The following MAGI1 variants were observed in gnomAD, a reference collection of about 807,000 sequenced individuals.
MAGI1 encodes the protein membrane-associated guanylate kinase, WW and PDZ domain-containing protein 1.
A neutral mutation model predicts 139.9 loss-of-function variants in MAGI1; 58 were observed. The ratio of observed to expected loss-of-function variants is 0.41; its 90% CI spans 0.34 to 0.52. The LOEUF (loss-of-function observed/expected upper bound fraction) is 0.52. MAGI1 is among the 20% of genes least tolerant of loss of function. The pLI is 0.12. For synonymous variants in MAGI1, 812 were observed against 737.9 expected, an observed-to-expected ratio of 1.10 and a Z score of -1.63; for missense variants, 1,874 against 1,901.6, an observed-to-expected ratio of 0.99 and a Z score of 0.27.
chr3:65,441,845 G>A (rs935546778), intron 8 of MAGI1, among the ~76,000 whole-genome samples: 1 of 152,146 alleles, frequency 6.6e-6, no homozygotes, highest in African/African-American at 2.4e-5. Context: ...ACAGTAAGAT[G>A]CTGGGCATCT....
intron 1 of MAGI1, among the ~76,000 whole-genome samples, chr3:65,979,473 C>G (rs2065454827): frequency 6.6e-6 from 1 of 152,122 alleles, no homozygotes; most frequent in Non-Finnish European, 1.5e-5. Context: ...CCCAGCAACC[C>G]CAAGGAAACC....
At chr3:65,951,389 T>C (rs903630399) in intron 1 of MAGI1, among the ~76,000 whole-genome samples, 1 of 152,236 alleles carries the variant, frequency 6.6e-6, no homozygotes, top group African/African-American at 2.4e-5. Flanking sequence ...ACCACCTGAA[T>C]CTACTTTTTC....
At chr3:65,364,185 AAAAAAAAG>A (rs1215748458) in intron 20 of MAGI1, among the ~76,000 whole-genome samples, 1 of 148,902 alleles carries the variant, frequency 6.7e-6, no homozygotes, top group Non-Finnish European at 1.5e-5. Context: ...AAAAAAAAAA[AAAAAAAAG>A]GAATCTGTTT....
rs201546372 is a variant in MAGI1 at position 65,610,752 on chromosome 3, A to ATACT, written c.430+11219_430+11220insAGTA. ...CAAATATAGTATATAGTATATATAC[A>ATACT]GTATATATATAGCATATATATATAC... is the stretch of plus-strand genomic sequence containing the variant. On this transcript the variant is annotated intron_variant, in intron 2 of 22. Transcript: ENST00000402939. 2.4e-5 allele frequency among the ~76,000 whole-genome samples: 3 copies of ATACT among 123,258 alleles called. No individual in the cohort carries two copies. The East Asian group carries it at 6.7e-4, about 27-fold the overall frequency. 80.9% of individuals were successfully genotyped at this position (123,258 alleles called of 152,430 possible).
chr3:65,953,817 C>G (rs1029471008), intron 1 of MAGI1, among the ~76,000 whole-genome samples: 6 of 152,128 alleles, frequency 3.9e-5, no homozygotes, highest in African/African-American at 1.4e-4. Context: ...GATAATGTTA[C>G]AATAACATTT....
At chr3:65,608,518 T>C (rs1315795791) in intron 2 of MAGI1, among the ~76,000 whole-genome samples, 2 of 151,848 alleles carry the variant, frequency 1.3e-5, no homozygotes, top group Non-Finnish European at 2.9e-5. Context: ...AAATAGACAA[T>C]GAGCATTTGA....
At chr3:65,431,835 A>T (rs9714113) in intron 10 of MAGI1, among the ~76,000 whole-genome samples, 3 of 151,890 alleles carry the variant, frequency 2.0e-5, no homozygotes, top group Non-Finnish European at 4.4e-5. Context: ...AAAAAAAAAA[A>T]TACAAAAATT....
chr3:65,942,920 C>G (rs2063380232), intron 1 of MAGI1, among the ~76,000 whole-genome samples: 1 of 152,126 alleles, frequency 6.6e-6, no homozygotes, highest in Non-Finnish European at 1.5e-5. Flanking sequence ...ACTCGGGAGG[C>G]TGAGGCAAGA....
At chr3:65,974,675 G>C (rs1406298930) in intron 1 of MAGI1, among the ~76,000 whole-genome samples, 1 of 152,100 alleles carries the variant, frequency 6.6e-6, no homozygotes, top group Non-Finnish European at 1.5e-5. Context: ...ACTCTTCCAA[G>C]CTCATTCGCA....
chr3:65,527,984 G>A (rs758774922), intron 2 of MAGI1, among the ~76,000 whole-genome samples: 1 of 152,148 alleles, frequency 6.6e-6, no homozygotes, highest in Admixed American at 6.5e-5. Context: ...AAAAAGTGGG[G>A]TGGGGAGTAC....
intron 2 of MAGI1, chr3:65,499,075 A>AC: frequency 1.2e-6 from 1 of 841,052 alleles, no homozygotes. Context: ...AAAAAAAAAC[A>AC]AAAAACTCTC....
chr3:65,477,721 T>TA (rs1553650557), intron 4 of MAGI1, among the ~76,000 whole-genome samples: 2 of 150,132 alleles, frequency 1.3e-5, no homozygotes, highest in Non-Finnish European at 3.0e-5. Context: ...ATTTTTTTTT[T>TA]TTTATTTATA....
rs148565211 is a variant in MAGI1, at chr3:65,749,594, G to A, written c.314-127506C>T. ...AGTGTATACTGCTTGCATGATGGGT[G>A]CACCAAAATCTCAGAAATCACCACT... On this transcript the variant is annotated intron_variant, in intron 1 of 22. Coordinates refer to ENST00000402939, the MANE Select transcript of MAGI1 (RefSeq NM_001033057.2). 1.8e-3 allele frequency among the ~76,000 whole-genome samples: 266 copies of A among 151,758 alleles called. 1 individual carries two copies. The highest frequency in any genetic ancestry group is 6.0e-3 in the African/African-American group (249 of 41,352).
intron 1 of MAGI1, among the ~76,000 whole-genome samples, chr3:65,922,910 T>C (rs1363478193): frequency 6.7e-6 from 1 of 150,022 alleles, no homozygotes; most frequent in East Asian, 2.0e-4. Flanking sequence ...TATGAGGAAC[T>C]CTGGTAGGAC....
At chr3:65,909,269 AATC>A (rs1179952186) in intron 1 of MAGI1, among the ~76,000 whole-genome samples, 2 of 152,118 alleles carry the variant, frequency 1.3e-5, no homozygotes, top group African/African-American at 4.8e-5. Flanking sequence ...TCATGCCTGT[AATC>A]TCAACATTTT....
In MAGI1 at chr3:65,376,091, C is replaced by T. The variant is rs112907190; in HGVS notation, c.2996-146G>A. 538 of 633,580 alleles carry T rather than the reference C, an allele frequency of 8.5e-4. 3 individuals are homozygous for T. In the African/African-American group the frequency reaches 8.7e-3, roughly 10 times the overall value. 39.2% of individuals were successfully genotyped at this position (633,580 alleles called of 1,614,324 possible). A position where few individuals can be genotyped will look rare whatever the true frequency, so the allele number is the denominator to read the frequency against. ...ATGTTATTAAAGGAGAGCTCTGCAC[C>T]GATGGTCAAAACATTGGCAATACTC... On this transcript the variant is annotated intron_variant, in intron 17 of 22. Coordinates refer to ENST00000402939, the MANE Select transcript of MAGI1 (RefSeq NM_001033057.2).
intron 1 of MAGI1, chr3:65,687,711 G>A (rs1230489971): frequency 1.9e-6 from 1 of 529,094 alleles, no homozygotes; most frequent in Non-Finnish European, 3.8e-6. Flanking sequence ...TTGCTGCCCT[G>A]GGAAACAAAG....
At chr3:65,816,412 T>C (rs1192857156) in intron 1 of MAGI1, among the ~76,000 whole-genome samples, 1 of 152,194 alleles carries the variant, frequency 6.6e-6, no homozygotes, top group Non-Finnish European at 1.5e-5. Context: ...AATGAATTTA[T>C]ATTTAAATAG....
intron 1 of MAGI1, among the ~76,000 whole-genome samples, chr3:65,737,353 G>A (rs141188854): frequency 6.6e-6 from 1 of 152,178 alleles, no homozygotes. Context: ...GGACGGACGG[G>A]TGGATGGATG....
Sources: gnomAD v4.1 joint callset for allele counts (sites outside exome capture counted in the v4.1 genomes callset) on GRCh38, gnomAD v4.1.1 for gene constraint, MANE v1.5 for transcripts, NCBI Gene and HGNC (gene_info 2026-07-23, HGNC 2026-07-21) for gene names.